The following TSHZ1 variants were observed in gnomAD, a reference collection of about 807,000 sequenced individuals.
The protein encoded by TSHZ1 is teashirt zinc finger homeobox 1.
TSHZ1 carries 12 observed loss-of-function variants against 67.1 expected under a neutral mutation model. The ratio of observed to expected loss-of-function variants is 0.18; its 90% confidence interval spans 0.11 to 0.29. The LOEUF (loss-of-function observed/expected upper bound fraction) is 0.29, where lower values mean the gene tolerates loss of function less well. Ranked by LOEUF, TSHZ1 falls within the 10% of genes least tolerant of loss-of-function variation. The pLI is 1.00. For synonymous variants in TSHZ1, 632 were observed against 622.4 expected, an observed-to-expected ratio of 1.02 and a Z score of -0.23; for missense variants, 1,305 against 1,413.9, an observed-to-expected ratio of 0.92 and a Z score of 1.23.
intron 1 of TSHZ1, among the ~76,000 whole-genome samples, chr18:75,254,425 A>C (rs1269499793): frequency 6.6e-6 from 1 of 152,250 alleles, no homozygotes. Context: ...AGAACTAAGA[A>C]TCAGAAGGGA....
intron 1 of TSHZ1, among the ~76,000 whole-genome samples, chr18:75,216,008 G>C: frequency 6.6e-6 from 1 of 152,048 alleles, no homozygotes; most frequent in South Asian, 2.1e-4. Context: ...GGTTGGAAGG[G>C]GAGGGGGGCT....
At chr18:75,261,175 T>C (rs1447443863) in intron 1 of TSHZ1, among the ~76,000 whole-genome samples, 1 of 151,390 alleles carries the variant, frequency 6.6e-6, no homozygotes, top group Non-Finnish European at 1.5e-5. Flanking sequence ...CCCCGCCAAG[T>C]AGGAAAAGGA....
chr18:75,287,612 C>T lies in TSHZ1; in HGVS notation c.2205C>T (p.Asp735=). ...GTAACAACCTGGGGATCATCATGGACCACTCACCGGAGCCTTCCTTCATCA... is the reference window on the plus strand; with the variant it reads ...GTAACAACCTGGGGATCATCATGGATCACTCACCGGAGCCTTCCTTCATCA... ...NGCNNLGIIM[D]HSPEPSFINP... Residue 735 remains aspartate (D), a synonymous_variant, in exon 2 of 2, where the codon GAC becomes GAT. Transcript: ENST00000580243. This position sits in a 1 kb window ranked among gnomAD's most constrained non-coding sequence, Gnocchi z 5.0. 1 of 1,614,174 alleles carries T rather than the reference C, an allele frequency of 6.2e-7. No homozygotes were observed. The highest frequency in any genetic ancestry group is 8.5e-7 in the Non-Finnish European group (1 of 1,180,042).
intron 1 of TSHZ1, chr18:75,280,874 A>G: frequency 1.0e-6 from 1 of 964,262 alleles, no homozygotes; most frequent in Non-Finnish European, 1.2e-6. Flanking sequence ...AGAGGGTGGC[A>G]TAAGGAGATG....
At chr18:75,216,552 C>T (rs965661471) in intron 1 of TSHZ1, among the ~76,000 whole-genome samples, 9 of 152,156 alleles carry the variant, frequency 5.9e-5, no homozygotes, top group African/African-American at 2.2e-4. Flanking sequence ...CACTGTAAGA[C>T]CATTTTCTCC....
chr18:75,239,559 G>A (rs1426292340), intron 1 of TSHZ1, among the ~76,000 whole-genome samples: 5 of 152,096 alleles, frequency 3.3e-5, no homozygotes, highest in East Asian at 3.8e-4. Context: ...GGAATGCAGC[G>A]GCACAATCAT....
chr18:75,282,998 G>A (rs2023705354), intron 1 of TSHZ1: 1 of 152,346 alleles, frequency 6.6e-6, no homozygotes, highest in Non-Finnish European at 1.5e-5. Flanking sequence ...CTTTGCATTA[G>A]TGGCCATGAA....
At chr18:75,228,782 C>A (rs2022958411) in intron 1 of TSHZ1, among the ~76,000 whole-genome samples, 1 of 152,148 alleles carries the variant, frequency 6.6e-6, no homozygotes, top group African/African-American at 2.4e-5. Flanking sequence ...CATCTCTAGT[C>A]CTTGAAAATG....
Position 75,234,211 on chromosome 18 carries a change from G to A in TSHZ1, c.40+22295G>A, listed in dbSNP as rs184414731. Among the ~76,000 whole-genome samples, 85 of 152,218 alleles carry A rather than the reference G, an allele frequency of 5.6e-4. No individual in the cohort carries two copies. The East Asian group carries it at 0.015, about 28-fold the overall frequency. Reference sequence around the variant, plus strand: ...CGGAGCCTGTGGGCCAGAGAGAAACGGGGCAGCCTGGGAGCCCTTTATTCA... The same window carrying A: ...CGGAGCCTGTGGGCCAGAGAGAAACAGGGCAGCCTGGGAGCCCTTTATTCA... On this transcript the variant is annotated intron_variant, in intron 1 of 1. Transcript: ENST00000580243.
intron 1 of TSHZ1, among the ~76,000 whole-genome samples, chr18:75,227,657 T>G (rs2122529157): frequency 6.6e-6 from 1 of 152,342 alleles, no homozygotes; most frequent in Non-Finnish European, 1.5e-5. Flanking sequence ...TCCCCACCCC[T>G]TTGTACTTCG....
chr18:75,228,539 TC>T (rs2022954847), intron 1 of TSHZ1, among the ~76,000 whole-genome samples: 1 of 152,240 alleles, frequency 6.6e-6, no homozygotes, highest in Non-Finnish European at 1.5e-5. Context: ...GCCCAGGCTC[TC>T]CCGTGTCAGG....
chr18:75,287,251 C>T lies in TSHZ1; in HGVS notation c.1844C>T (p.Ala615Val). Residue 615 changes from alanine to valine, a missense_variant, in exon 2 of 2, where the codon GCC (alanine) becomes GTC (valine). Transcript: ENST00000580243. The surrounding 1 kb of genome is among the most constrained non-coding windows in gnomAD (Gnocchi z 5.0). Reference protein sequence around the residue: ...YAGGVKSLSSAEHNALLHSPG... With the variant: ...YAGGVKSLSSVEHNALLHSPG... ...GGCGGCGTGAAGTCGCTGTCTTCCG[C>T]CGAGCACAACGCCCTCCTGCACTCC... 1 of 1,613,988 alleles carries T rather than the reference C, an allele frequency of 6.2e-7. No individual in the cohort carries two copies. Among genetic ancestry groups the T allele is most frequent in the Non-Finnish European group, 8.5e-7 (1 of 1,179,980 alleles).
At position 75,224,008 on chromosome 18, in the gene TSHZ1, A is replaced by T. The variant is rs1444007591; in HGVS notation, c.40+12092A>T. On this transcript the variant is annotated intron_variant, in intron 1 of 1. Coordinates refer to ENST00000580243, the MANE Select transcript of TSHZ1 (RefSeq NM_001308210.2). ...GTGCAAATCATTCGGGGTCATTCAT[A>T]GTTCATGTACCCACAGATGGCAAAG... is the stretch of plus-strand genomic sequence containing the variant. Among the ~76,000 whole-genome samples the T allele has an allele frequency of 2.0e-5, 3 of 149,100 alleles. No individual in the cohort carries two copies. In the East Asian group the frequency reaches 6.1e-4, roughly 30 times the overall value.
intron 1 of TSHZ1, among the ~76,000 whole-genome samples, chr18:75,270,219 C>T (rs1489332695): frequency 1.3e-5 from 2 of 152,130 alleles, no homozygotes; most frequent in Non-Finnish European, 2.9e-5. Flanking sequence ...GATGGCATGG[C>T]CTGGGGCACC....
intron 1 of TSHZ1, among the ~76,000 whole-genome samples, chr18:75,237,739 A>C (rs7238117): frequency 0.48 from 73,619 of 151,834 alleles, 19,621 homozygotes; most frequent in South Asian, 0.73. Flanking sequence ...CCTCATTCTG[A>C]ATAACTCACC....
rs561190523 is a variant in TSHZ1 at position 75,240,529 on chromosome 18, G to A, written c.40+28613G>A. Among the ~76,000 whole-genome samples the A allele has an allele frequency of 3.9e-5, 6 of 152,320 alleles. No homozygotes were observed. In the South Asian group the frequency reaches 1.2e-3, roughly 32 times the overall value. ...GGTCCTGCCCCCAGGTGCACCGCGA[G>A]CCTTTCCTTGCTGTGAACAGTGAGA... is the stretch of plus-strand genomic sequence containing the variant. On this transcript the variant is annotated intron_variant, in intron 1 of 1. Coordinates refer to ENST00000580243, the MANE Select transcript of TSHZ1 (RefSeq NM_001308210.2).
intron 1 of TSHZ1, among the ~76,000 whole-genome samples, chr18:75,275,061 C>T (rs559979421): frequency 2.6e-5 from 4 of 152,352 alleles, no homozygotes; most frequent in African/African-American, 9.6e-5. Flanking sequence ...TAGTGCTAGT[C>T]TCCCATCAGT....
chr18:75,258,347 T>C (rs1426868299), intron 1 of TSHZ1, among the ~76,000 whole-genome samples: 1 of 152,252 alleles, frequency 6.6e-6, no homozygotes, highest in Non-Finnish European at 1.5e-5. Context: ...TGCTCCCATA[T>C]ATACTTGTTT....
At chr18:75,236,855 G>T (rs939911044) in intron 1 of TSHZ1, among the ~76,000 whole-genome samples, 1 of 152,172 alleles carries the variant, frequency 6.6e-6, no homozygotes, top group Non-Finnish European at 1.5e-5. Flanking sequence ...CACACAGGTT[G>T]ATGTCATAAG....
Sources: gnomAD v4.1 joint callset for allele counts (sites outside exome capture counted in the v4.1 genomes callset) on GRCh38, gnomAD v4.1.1 for gene constraint, Gnocchi (gnomAD v3.1) non-coding constraint, MANE v1.5 for transcripts, NCBI Gene and HGNC (gene_info 2026-07-23, HGNC 2026-07-21) for gene names.